Variants in MYBL1 observed in about 807,000 individuals in gnomAD.
The protein encoded by MYBL1 is myb-related protein A.
A neutral mutation model predicts 96.3 loss-of-function variants in MYBL1; 17 were observed. The observed-to-expected ratio is 0.18, with a 90% CI of 0.12 to 0.26. The LOEUF (loss-of-function observed/expected upper bound fraction) is 0.26, where lower values mean the gene tolerates loss of function less well. Among genes scored for constraint, MYBL1 ranks in the 10% least tolerant of loss-of-function variants. The pLI is 1.00. For synonymous variants in MYBL1, 282 were observed against 292.7 expected, an observed-to-expected ratio of 0.96 and a Z score of 0.37; for missense variants, 701 against 882.9, an observed-to-expected ratio of 0.79 and a Z score of 2.61.
In MYBL1 at chr8:66,562,701, C is replaced by A. The variant is rs1808375436; in HGVS notation, c.*1996G>T. The stretch of plus-strand genomic sequence containing the variant: ...CATTAAAAACAACAACAACAAAAAA[C>A]CATTATGTGCTATTAGTTCAAGGTA... On this transcript the variant is annotated 3_prime_UTR_variant, in exon 16 of 16. Coordinates refer to ENST00000522677, the MANE Select transcript of MYBL1 (RefSeq NM_001080416.4). 1 of 152,336 alleles carries A rather than the reference C, an allele frequency of 6.6e-6. No homozygotes were observed. The highest frequency in any genetic ancestry group is 1.5e-5 in the Non-Finnish European group (1 of 67,942). 9.4% of individuals were successfully genotyped at this position (152,336 alleles called of 1,614,324 possible).
rs1808398027 is a variant in MYBL1 at position 66,563,639 on chromosome 8, A to T, written c.*1058T>A. ...CCATATTATTTTTTAAACAAAATGC[A>T]AAAATTTCAAACACATATACAAATC... On this transcript the variant is annotated 3_prime_UTR_variant, in exon 16 of 16. Transcript: ENST00000522677. 1.3e-5 allele frequency: 2 copies of T among 152,438 alleles called. No homozygotes were observed. The highest frequency in any genetic ancestry group is 4.1e-4 in the South Asian group (2 of 4,834). 9.4% of individuals were successfully genotyped at this position (152,438 alleles called of 1,614,324 possible). A position where few individuals can be genotyped will look rare whatever the true frequency, so the allele number is the denominator to read the frequency against.
intron 10 of MYBL1, 65 bp from the exon 11 acceptor site, chr8:66,573,571 C>T (rs1461214242): frequency 7.6e-7 from 1 of 1,317,542 alleles, no homozygotes; most frequent in Non-Finnish European, 1.0e-6. Context: ...AAATATTAAA[C>T]TGATAAGATT....
At chr8:66,607,037 C>T (rs1328996407) in intron 1 of MYBL1, among the ~76,000 whole-genome samples, 1 of 152,078 alleles carries the variant, frequency 6.6e-6, no homozygotes, top group African/African-American at 2.4e-5. Context: ...AGGTGATCCG[C>T]CAACCTTGGC....
intron 3 of MYBL1, 120 bp from the exon 4 acceptor site, chr8:66,599,262 C>G: frequency 1.8e-6 from 1 of 543,842 alleles, no homozygotes; most frequent in Non-Finnish European, 3.1e-6. Context: ...CAATAGCATT[C>G]TTTAAACATG....
intron 12 of MYBL1, among the ~76,000 whole-genome samples, chr8:66,570,763 G>A (rs1221682918): frequency 2.0e-5 from 3 of 152,144 alleles, no homozygotes; most frequent in Admixed American, 6.6e-5. Flanking sequence ...GGAATATTAT[G>A]CAAACGTTAA....
At chr8:66,569,442 C>G (rs1164134534) in intron 12 of MYBL1, among the ~76,000 whole-genome samples, 3 of 151,778 alleles carry the variant, frequency 2.0e-5, no homozygotes, top group African/African-American at 7.3e-5. Flanking sequence ...CTCTACCTCC[C>G]AGGGTCAAGC....
chr8:66,577,748 C>T (rs2129798587), intron 9 of MYBL1, among the ~76,000 whole-genome samples: 1 of 152,088 alleles, frequency 6.6e-6, no homozygotes, highest in African/African-American at 2.4e-5. Flanking sequence ...CATATGGAAC[C>T]AAAAAAGAGC....
chr8:66,570,236 T>C (rs1480311115), intron 12 of MYBL1, among the ~76,000 whole-genome samples: 2 of 152,138 alleles, frequency 1.3e-5, no homozygotes, highest in Non-Finnish European at 2.9e-5. Flanking sequence ...AAATTTAAAA[T>C]GTCAGAAGGC....
chr8:66,566,603 C>G, intron 14 of MYBL1, 81 bp downstream of exon 14: 5 of 898,730 alleles, frequency 5.6e-6, no homozygotes, highest in Non-Finnish European at 6.7e-6. Flanking sequence ...AATGAACTGG[C>G]TACACAATGA....
At chr8:66,571,580 A>G (rs1278355799) in intron 12 of MYBL1, among the ~76,000 whole-genome samples, 1 of 152,234 alleles carries the variant, frequency 6.6e-6, no homozygotes, top group African/African-American at 2.4e-5. Flanking sequence ...TGTATATTTC[A>G]GTATTAAGAA....
chr8:66,592,548 A>C lies in MYBL1; in HGVS notation c.763-4T>G, dbSNP rs1331843922. ...GATCTTCATCAATGAAGGGTTGCTA[A>C]AATAAGTTAAATAAAAGAGAAAACA... On this transcript the variant is annotated splice_polypyrimidine_tract_variant and splice_region_variant and intron_variant, in intron 7 of 15. Coordinates refer to ENST00000522677, the MANE Select transcript of MYBL1 (RefSeq NM_001080416.4). 1 of 1,514,402 alleles carries C rather than the reference A, an allele frequency of 6.6e-7. No individual in the cohort carries two copies. The highest frequency in any genetic ancestry group is 1.2e-5 in the South Asian group (1 of 83,702). 93.8% of individuals were successfully genotyped at this position (1,514,402 alleles called of 1,614,324 possible).
intron 4 of MYBL1, among the ~76,000 whole-genome samples, chr8:66,598,381 T>A (rs528333501): frequency 7.2e-5 from 11 of 152,308 alleles, no homozygotes; most frequent in African/African-American, 2.6e-4. Flanking sequence ...CTGGGCAACA[T>A]AGCGAGATTC....
intron 8 of MYBL1, among the ~76,000 whole-genome samples, chr8:66,582,872 A>G (rs1428977262): frequency 6.6e-6 from 1 of 152,222 alleles, no homozygotes; most frequent in African/African-American, 2.4e-5. Flanking sequence ...ATCTAAAAGG[A>G]GTAATAGATT....
chr8:66,597,698 G>C (rs1809904840), intron 4 of MYBL1, 148 bp from the exon 5 acceptor site: 2 of 581,558 alleles, frequency 3.4e-6, no homozygotes, highest in Admixed American at 6.9e-5. Flanking sequence ...TACCCCTTTA[G>C]CATTTGCCAG....
chr8:66,565,441 T>G (rs1808467186), intron 15 of MYBL1: 1 of 152,162 alleles, frequency 6.6e-6, no homozygotes, highest in Non-Finnish European at 1.5e-5. Context: ...TGTAAGGTGG[T>G]CATATGTAAT....
At chr8:66,604,206 G>C (rs1006487696) in intron 1 of MYBL1, among the ~76,000 whole-genome samples, 1 of 152,128 alleles carries the variant, frequency 6.6e-6, no homozygotes, top group African/African-American at 2.4e-5. Flanking sequence ...TTCAATAAAT[G>C]GTGTTAAGAC....
At chr8:66,579,452 T>C (rs1301272664) in intron 9 of MYBL1, among the ~76,000 whole-genome samples, 1 of 149,482 alleles carries the variant, frequency 6.7e-6, no homozygotes, top group Non-Finnish European at 1.5e-5. Flanking sequence ...AGGTCAGGAG[T>C]TCAAGACCAG....
At chr8:66,569,540 G>A (rs2129719403) in intron 12 of MYBL1, among the ~76,000 whole-genome samples, 1 of 151,938 alleles carries the variant, frequency 6.6e-6, no homozygotes, top group African/African-American at 2.4e-5. Flanking sequence ...CAGTAGAGAT[G>A]GGGTTTCACC....
intron 12 of MYBL1, among the ~76,000 whole-genome samples, chr8:66,567,578 G>A (rs901932854): frequency 2.0e-5 from 3 of 151,982 alleles, no homozygotes; most frequent in East Asian, 1.9e-4. Context: ...GTTACAGAGA[G>A]ATAGACACTT....
Sources: gnomAD v4.1 joint callset for allele counts (sites outside exome capture counted in the v4.1 genomes callset) on GRCh38, gnomAD v4.1.1 for gene constraint, MANE v1.5 for transcripts, NCBI Gene and HGNC (gene_info 2026-07-23, HGNC 2026-07-21) for gene names.